The following RAB2B variants were observed in gnomAD, a reference collection of about 807,000 sequenced individuals.
RAB2B encodes ras-related protein Rab-2B.
Under a neutral mutation model 29.8 loss-of-function variants are expected in RAB2B, and 20 were observed. The ratio of observed to expected loss-of-function variants is 0.67; its 90% CI spans 0.47 to 0.97. The LOEUF is 0.97. RAB2B is among the 50% of genes least tolerant of loss of function. The pLI is 0.00. For synonymous variants in RAB2B, 93 were observed against 91.7 expected, an observed-to-expected ratio of 1.01 and a Z score of -0.08; for missense variants, 218 against 272.0, an observed-to-expected ratio of 0.80 and a Z score of 1.40.
intron 3 of RAB2B, chr14:21,474,653 C>T: frequency 2.1e-6 from 1 of 482,986 alleles, no homozygotes; most frequent in Non-Finnish European, 3.7e-6. Context: ...TTTATTTTTA[C>T]TAGAATAAAC....
intron 5 of RAB2B, among the ~76,000 whole-genome samples, chr14:21,467,827 A>C (rs1486933268): frequency 1.3e-5 from 2 of 152,242 alleles, no homozygotes; most frequent in Non-Finnish European, 2.9e-5. Flanking sequence ...GGACAGATGG[A>C]TAAACAAAAT....
intron 3 of RAB2B, among the ~76,000 whole-genome samples, chr14:21,471,707 G>A (rs1209620845): frequency 6.2e-4 from 87 of 140,978 alleles, no homozygotes; most frequent in Non-Finnish European, 1.1e-3. Flanking sequence ...AGGGAGTCTC[G>A]CTCTGTTGCC....
At chr14:21,470,101 C>T (rs1001568849) in intron 3 of RAB2B, among the ~76,000 whole-genome samples, 2 of 151,748 alleles carry the variant, frequency 1.3e-5, no homozygotes. Context: ...TACAGGCGCC[C>T]ACCACCATGC....
rs757560288 is a variant in RAB2B, at chr14:21,460,379, GATCAAGACC to G, written c.*808_*816del. 2.1e-6 allele frequency: 1 copy of G among 480,724 alleles called. No homozygotes were observed. Among genetic ancestry groups the G allele is most frequent in the South Asian group, 1.5e-5 (1 of 67,408 alleles). 29.8% of individuals were successfully genotyped at this position (480,724 alleles called of 1,614,324 possible). Reference sequence around the variant, plus strand: ...AGGTGGGCGGATCACGAGGTCAAGAGATCAAGACCATCCTGGCCAACATGGTGAAACCCT... The same window carrying G: ...AGGTGGGCGGATCACGAGGTCAAGAGATCCTGGCCAACATGGTGAAACCCT... On this transcript the variant is annotated 3_prime_UTR_variant, in exon 8 of 8. Coordinates refer to ENST00000397762, the MANE Select transcript of RAB2B (RefSeq NM_032846.4).
chr14:21,466,778 C>T (rs1172567345), intron 5 of RAB2B, among the ~76,000 whole-genome samples: 1 of 152,116 alleles, frequency 6.6e-6, no homozygotes, highest in Non-Finnish European at 1.5e-5. Context: ...AAGCACTACA[C>T]AAAAATCAAT....
chr14:21,476,067 T>C (rs1199308150), intron 2 of RAB2B, among the ~76,000 whole-genome samples: 1 of 152,252 alleles, frequency 6.6e-6, no homozygotes, highest in Non-Finnish European at 1.5e-5. Context: ...CACTCTTTCA[T>C]TTAAAAGGAA....
At chr14:21,475,807 G>T (rs1158540641) in intron 2 of RAB2B, among the ~76,000 whole-genome samples, 1 of 152,198 alleles carries the variant, frequency 6.6e-6, no homozygotes, top group Non-Finnish European at 1.5e-5. Context: ...AACAGTGGTA[G>T]CTTCAGGTTT....
Position 21,463,754 on chromosome 14 carries a change from GGGA to G in RAB2B, c.373_375del (p.Ser125del). 1 of 1,607,482 alleles carries G rather than the reference GGGA, an allele frequency of 6.2e-7. No homozygotes were observed. ...CCTTCTTCTCTCTTCACATCCCTGC[GGGA>G]CTCTAGGTCACTGCAAGAGATTAAT... On this transcript the variant is annotated inframe_deletion, in exon 6 of 8. Transcript: ENST00000397762.
At chr14:21,476,661 T>G (rs191527823) in intron 1 of RAB2B, 62 bp from the exon 2 acceptor site, 505 of 1,613,360 alleles carry the variant, frequency 3.1e-4, no homozygotes, top group Middle Eastern at 2.1e-3. Flanking sequence ...GAGTATGGAC[T>G]TCCCGGACCA....
intron 5 of RAB2B, among the ~76,000 whole-genome samples, chr14:21,467,557 T>A (rs1373498533): frequency 6.6e-6 from 1 of 152,178 alleles, no homozygotes; most frequent in African/African-American, 2.4e-5. Context: ...TCAAAAAAAA[T>A]TTACTGATAA....
chr14:21,462,599 G>C (rs1890586236), intron 6 of RAB2B, among the ~76,000 whole-genome samples, 181 bp from the exon 7 acceptor site: 1 of 152,098 alleles, frequency 6.6e-6, no homozygotes, highest in Non-Finnish European at 1.5e-5. Flanking sequence ...CAGCACTTTG[G>C]GAGGCCGAGG....
At chr14:21,469,731 G>C (rs1462056957) in intron 3 of RAB2B, among the ~76,000 whole-genome samples, 1 of 152,004 alleles carries the variant, frequency 6.6e-6, no homozygotes, top group Non-Finnish European at 1.5e-5. Flanking sequence ...ATAATTTATA[G>C]GTTACAAATG....
In RAB2B at chr14:21,459,252, G is replaced by A. The variant is rs1890480673; in HGVS notation, c.*1944C>T. ...TGGCTGGATAGGTACCCACTTATGT[G>A]ACTGCTTACTAGCAGGCAGCCTTAC... On this transcript the variant is annotated 3_prime_UTR_variant, in exon 8 of 8. Coordinates refer to ENST00000397762, the MANE Select transcript of RAB2B (RefSeq NM_032846.4). 6.6e-6 allele frequency: 1 copy of A among 152,108 alleles called. No homozygotes were observed. Among genetic ancestry groups the A allele is most frequent in the African/African-American group, 2.4e-5 (1 of 41,408 alleles). 9.4% of individuals were successfully genotyped at this position (152,108 alleles called of 1,614,324 possible).
chr14:21,472,125 GA>G, intron 3 of RAB2B, among the ~76,000 whole-genome samples: 1 of 151,834 alleles, frequency 6.6e-6, no homozygotes, highest in African/African-American at 2.4e-5. Context: ...TCCTTCCAAT[GA>G]ACGGTTTATT....
rs1307375624 is a variant in RAB2B, at chr14:21,476,851, T to C, written c.22A>G (p.Lys8Glu). Reference sequence around the variant, plus strand: ...CCTGTGTCTCCGATGATGATATACTTGAAGAGATAAGCATAAGTCATGGTG... The same window carrying C: ...CCTGTGTCTCCGATGATGATATACTCGAAGAGATAAGCATAAGTCATGGTG... MTYAYLFKYIIIGDTGVG... is the reference protein window; with the variant it reads MTYAYLFEYIIIGDTGVG... The change falls in exon 1 of 8, where the codon AAG becomes GAG. Residue 8 changes from lysine to glutamate, a missense_variant. Transcript: ENST00000397762. 1.2e-6 allele frequency: 2 copies of C among 1,613,400 alleles called. No individual in the cohort carries two copies. The highest frequency in any genetic ancestry group is 1.7e-6 in the Non-Finnish European group (2 of 1,179,996).
At chr14:21,462,202 T>TAAA (rs60977608) in intron 7 of RAB2B, 148 bp downstream of exon 7, 86 of 404,744 alleles carry the variant, frequency 2.1e-4, no homozygotes, top group South Asian at 4.2e-4. Context: ...TACCTAGATT[T>TAAA]AAAAAAAAAA....
chr14:21,473,547 C>A (rs1219882454), intron 3 of RAB2B, among the ~76,000 whole-genome samples: 1 of 152,178 alleles, frequency 6.6e-6, no homozygotes, highest in Non-Finnish European at 1.5e-5. Context: ...GGCAGATATT[C>A]CACAAAAATT....
Position 21,476,510 on chromosome 14 carries a change from A to G in RAB2B, c.118+18T>C, listed in dbSNP as rs1890971590. ...GTCAGGTTTTATCATCTGTTCTGGAACAAGTAGATGCACTTACCTATTGTG... is the reference window on the plus strand; with the variant it reads ...GTCAGGTTTTATCATCTGTTCTGGAGCAAGTAGATGCACTTACCTATTGTG... On this transcript the variant is annotated intron_variant, in intron 2 of 7. Transcript: ENST00000397762. 1.2e-6 allele frequency: 2 copies of G among 1,613,616 alleles called. No homozygotes were observed. Among genetic ancestry groups the G allele is most frequent in the Non-Finnish European group, 1.7e-6 (2 of 1,180,000 alleles).
chr14:21,472,821 TA>T lies in RAB2B; in HGVS notation c.186+2045del, dbSNP rs61115443. 6.0e-3 allele frequency among the ~76,000 whole-genome samples: 790 copies of T among 130,928 alleles called. 2 individuals are homozygous for T. Among genetic ancestry groups the T allele is most frequent in the African/African-American group, 0.01 (360 of 35,282 alleles). The allele number at this position is 130,928 out of a possible 152,430, so 85.9% of individuals were successfully genotyped here. ...TCCAACCATGTCCCATATGAGTGCT[TA>T]AAAAAAAAAAAAAAAGGCCATTGCC... On this transcript the variant is annotated intron_variant, in intron 3 of 7. Transcript: ENST00000397762.
Sources: allele counts gnomAD v4.1 joint callset (sites outside exome capture counted in the v4.1 genomes callset), GRCh38; gene constraint gnomAD v4.1.1; transcripts MANE v1.5; gene names NCBI Gene and HGNC (gene_info 2026-07-23, HGNC 2026-07-21).